The following SCFD2 variants were observed in gnomAD, a reference collection of about 807,000 sequenced individuals.
The protein encoded by SCFD2 is sec1 family domain containing 2, also known as sec1 family domain-containing protein 2.
In SCFD2, 54 loss-of-function variants were observed where a neutral mutation model predicts 58.9. That is an observed-to-expected ratio of 0.92 (90% CI 0.74 to 1.15). SCFD2 has a LOEUF of 1.15. Among genes scored for constraint, SCFD2 ranks in the 50% most tolerant of loss-of-function variants. SCFD2 has a pLI of 0.00. For synonymous variants in SCFD2, 321 were observed against 335.9 expected (o/e 0.96, Z 0.49); for missense variants, 805 against 836.6 (o/e 0.96, Z 0.47).
At chr4:53,269,496 T>C (rs1731093870) in intron 4 of SCFD2, among the ~76,000 whole-genome samples, 1 of 152,162 alleles carries the variant, frequency 6.6e-6, no homozygotes, top group Non-Finnish European at 1.5e-5. Context: ...ATCAAAGCGA[T>C]AAAGAATTGA....
At chr4:52,885,189 C>G (rs754484951) in intron 8 of SCFD2, among the ~76,000 whole-genome samples, 2 of 152,206 alleles carry the variant, frequency 1.3e-5, no homozygotes, top group Non-Finnish European at 2.9e-5. Context: ...CCACACTCCT[C>G]TGGCCCCGCC....
intron 7 of SCFD2, among the ~76,000 whole-genome samples, chr4:52,904,853 A>G (rs2109468805): frequency 6.6e-6 from 1 of 152,328 alleles, no homozygotes; most frequent in South Asian, 2.1e-4. Context: ...GCTCTTAGGA[A>G]AACGCCTGAG....
At chr4:53,241,383 TC>T (rs1279402339) in intron 4 of SCFD2, among the ~76,000 whole-genome samples, 5 of 152,106 alleles carry the variant, frequency 3.3e-5, no homozygotes, top group Non-Finnish European at 7.4e-5. Flanking sequence ...AAGGCAGTCT[TC>T]CCCATGAGAC....
At chr4:52,876,019 T>A (rs79489138) in intron 8 of SCFD2, among the ~76,000 whole-genome samples, 248 of 151,738 alleles carry the variant, frequency 1.6e-3, no homozygotes, top group African/African-American at 5.7e-3. Context: ...TGAATGTGTG[T>A]CTCCCGAGAG....
chr4:53,260,868 T>C (rs1453165528), intron 4 of SCFD2, among the ~76,000 whole-genome samples: 1 of 152,170 alleles, frequency 6.6e-6, no homozygotes, highest in East Asian at 1.9e-4. Flanking sequence ...ACTTTTTTTG[T>C]TGGCAATTTT....
chr4:52,949,425 C>T (rs1720529219), intron 5 of SCFD2: 1 of 152,200 alleles, frequency 6.6e-6, no homozygotes, highest in Non-Finnish European at 1.5e-5. Flanking sequence ...ATTCATCTCC[C>T]ACAGCCATTT....
chr4:52,879,215 G>A (rs1718548091), intron 8 of SCFD2, among the ~76,000 whole-genome samples: 1 of 152,222 alleles, frequency 6.6e-6, no homozygotes, highest in Non-Finnish European at 1.5e-5. Flanking sequence ...GCAGTGCTCA[G>A]AGCTTGGCCC....
chr4:53,000,306 C>T (rs1721835180), intron 5 of SCFD2, among the ~76,000 whole-genome samples: 1 of 152,200 alleles, frequency 6.6e-6, no homozygotes, highest in African/African-American at 2.4e-5. Flanking sequence ...ATTTTGCTCT[C>T]TATATCTAAA....
chr4:53,363,726 G>A (rs1212092623), intron 1 of SCFD2, among the ~76,000 whole-genome samples: 1 of 151,470 alleles, frequency 6.6e-6, no homozygotes, highest in East Asian at 2.0e-4. Context: ...GGGAGGTTGA[G>A]GCAGGAGAAT....
chr4:52,995,078 A>C (rs1721711668), intron 5 of SCFD2, among the ~76,000 whole-genome samples: 1 of 152,140 alleles, frequency 6.6e-6, no homozygotes, highest in Admixed American at 6.5e-5. Flanking sequence ...CATTACATTT[A>C]CTGTGTACTT....
intron 5 of SCFD2, among the ~76,000 whole-genome samples, chr4:53,007,262 G>A (rs1304940793): frequency 6.9e-6 from 1 of 144,856 alleles, no homozygotes; most frequent in Non-Finnish European, 1.5e-5. Context: ...CTTGGCAACA[G>A]AGTAAGACCT....
chr4:53,035,769 C>T (rs1437267774), intron 5 of SCFD2, among the ~76,000 whole-genome samples: 2 of 152,204 alleles, frequency 1.3e-5, no homozygotes, highest in Admixed American at 6.5e-5. Context: ...ATCAAAACCA[C>T]AATGAGATAC....
chr4:53,331,307 C>A (rs1219853895), intron 2 of SCFD2, among the ~76,000 whole-genome samples: 2 of 151,410 alleles, frequency 1.3e-5, no homozygotes, highest in Non-Finnish European at 2.9e-5. Context: ...TTTTCAGCAC[C>A]ACACCACACC....
Position 53,332,835 on chromosome 4 carries a change from A to G in SCFD2, c.1008-19072T>C, listed in dbSNP as rs1057201330. On this transcript the variant is annotated intron_variant, in intron 2 of 8. Transcript: ENST00000401642. The stretch of plus-strand genomic sequence containing the variant: ...CCCTGTTTGCAGACGACATGATTGT[A>G]TATCTAGAAAACCCCATTGTCTCAG... Among the ~76,000 whole-genome samples the G allele has an allele frequency of 5.3e-5, 8 of 150,868 alleles. 1 individual carries two copies. Among genetic ancestry groups the G allele is most frequent in the Non-Finnish European group, 7.4e-5 (5 of 67,774 alleles).
intron 4 of SCFD2, among the ~76,000 whole-genome samples, chr4:53,178,164 G>A (rs921289739): frequency 1.2e-4 from 18 of 152,124 alleles, no homozygotes; most frequent in African/African-American, 4.3e-4. Flanking sequence ...GAGAGTAGTG[G>A]TTCTCCCGTC....
At chr4:53,227,051 G>A (rs753163526) in intron 4 of SCFD2, among the ~76,000 whole-genome samples, 25 of 152,224 alleles carry the variant, frequency 1.6e-4, no homozygotes, top group African/African-American at 4.3e-4. Flanking sequence ...GTCTTCCTGC[G>A]AAAGAAGATG....
rs1466302413 is a variant in SCFD2 at position 52,959,127 on chromosome 4, C to A, written c.1562-38257G>T. On this transcript the variant is annotated intron_variant, in intron 5 of 8. Transcript: ENST00000401642. ...TGACTCTTGAGTCCATATGTTTAAC[C>A]ACTATGCTATGATGCCTCTTACAAG... is the stretch of plus-strand genomic sequence containing the variant. Among the ~76,000 whole-genome samples the A allele has an allele frequency of 1.3e-5, 2 of 152,132 alleles. 1 individual carries two copies. Among genetic ancestry groups the A allele is most frequent in the Admixed American group, 1.3e-4 (2 of 15,276 alleles).
chr4:53,294,573 T>C (rs1458446478), intron 3 of SCFD2, among the ~76,000 whole-genome samples: 3 of 152,238 alleles, frequency 2.0e-5, no homozygotes, highest in Non-Finnish European at 4.4e-5. Context: ...TAAAATTTTC[T>C]CCCATTCTGT....
chr4:53,021,045 C>G (rs376820877), intron 5 of SCFD2, among the ~76,000 whole-genome samples: 1 of 152,162 alleles, frequency 6.6e-6, no homozygotes, highest in Non-Finnish European at 1.5e-5. Flanking sequence ...GTGTTACATT[C>G]TTTTAGAAAT....
Sources: gnomAD v4.1 joint callset for allele counts (sites outside exome capture counted in the v4.1 genomes callset) on GRCh38, gnomAD v4.1.1 for gene constraint, MANE v1.5 for transcripts, NCBI Gene and HGNC (gene_info 2026-07-23, HGNC 2026-07-21) for gene names.